The following ZIM2 variants were observed in gnomAD, a reference collection of about 807,000 sequenced individuals.
The protein encoded by ZIM2 is zinc finger imprinted 2.
A neutral mutation model predicts 38.6 loss-of-function variants in ZIM2; 14 were observed. That is an observed-to-expected ratio of 0.36 (90% CI 0.24 to 0.57). The LOEUF is 0.57. Among genes scored for constraint, ZIM2 ranks in the 20% least tolerant of loss-of-function variants. The probability of loss-of-function intolerance (pLI) is 0.81; values close to 1 mark genes in which losing one functional copy is unlikely to be tolerated. For synonymous variants in ZIM2, 247 were observed against 245.8 expected (o/e 1.00, Z -0.04); for missense variants, 680 against 695.1 (o/e 0.98, Z 0.24).
intron 9 of ZIM2, among the ~76,000 whole-genome samples, chr19:56,796,395 TTC>T (rs1024543697): frequency 1.3e-5 from 2 of 152,210 alleles, no homozygotes; most frequent in Admixed American, 6.5e-5. Context: ...TTCCAAATTT[TTC>T]TTTTTCTTTT....
intron 9 of ZIM2, among the ~76,000 whole-genome samples, chr19:56,797,241 G>T (rs549119714): frequency 6.6e-6 from 1 of 152,092 alleles, no homozygotes; most frequent in African/African-American, 2.4e-5. Context: ...GCTTGAACTC[G>T]TGAAGTGCAG....
intron 10 of ZIM2, 45 bp from the exon 11 acceptor site, chr19:56,782,166 C>T: frequency 6.3e-7 from 1 of 1,593,534 alleles, no homozygotes; most frequent in Non-Finnish European, 8.6e-7. Context: ...GAGGACTGAA[C>T]ATGATGCAGG....
At chr19:56,825,006 T>C (rs1432173689) in intron 3 of ZIM2, 1 of 218,392 alleles carries the variant, frequency 4.6e-6, no homozygotes, top group East Asian at 9.3e-5. Context: ...GCCCTAGAAG[T>C]CTCTCTGTAA....
At chr19:56,833,242 C>T (rs1477441952) in intron 2 of ZIM2, 4 of 489,702 alleles carry the variant, frequency 8.2e-6, no homozygotes, top group South Asian at 3.0e-5. Context: ...TACTTTGGTC[C>T]CTCACCATGG....
Position 56,818,789 on chromosome 19 carries a change from T to C in ZIM2, c.295-87A>G. Reference sequence around the variant, plus strand: ...TAATGTTGGCAACATGGGAGTTACATATATGAAGTTATATAGGAAGTGCTC... The same window carrying C: ...TAATGTTGGCAACATGGGAGTTACACATATGAAGTTATATAGGAAGTGCTC... On this transcript the variant is annotated intron_variant, in intron 7 of 12. Coordinates refer to ENST00000629319, the MANE Select transcript of ZIM2 (RefSeq NM_001387356.1). The C allele has an allele frequency of 2.1e-6, 3 of 1,417,774 alleles. No individual in the cohort carries two copies. The South Asian group carries it at 3.5e-5, about 17-fold the overall frequency. The allele number at this position is 1,417,774 out of a possible 1,614,324, so 87.8% of individuals were successfully genotyped here. A position where few individuals can be genotyped will look rare whatever the true frequency, so the allele number is the denominator to read the frequency against.
Position 56,824,353 on chromosome 19 carries a change from C to T in ZIM2, c.-76G>A. 1 of 1,614,118 alleles carries T rather than the reference C, an allele frequency of 6.2e-7. No individual in the cohort carries two copies. The highest frequency in any genetic ancestry group is 2.2e-5 in the East Asian group (1 of 44,862). On this transcript the variant is annotated 5_prime_UTR_variant, in exon 4 of 13. Transcript: ENST00000629319. ...TTTTTGCTCGCACCCAAGGCTTGAGCTTTTCAGGGATGATGGTCAGGTACT... is the reference window on the plus strand; with the variant it reads ...TTTTTGCTCGCACCCAAGGCTTGAGTTTTTCAGGGATGATGGTCAGGTACT...
intron 9 of ZIM2, chr19:56,815,332 C>T (rs770442233): frequency 1.9e-6 from 3 of 1,614,236 alleles, no homozygotes; most frequent in Non-Finnish European, 2.5e-6. Flanking sequence ...AAAAAATTGT[C>T]TGAAGTCCTT....
intron 3 of ZIM2, chr19:56,824,735 C>G: frequency 7.3e-7 from 1 of 1,362,294 alleles, no homozygotes; most frequent in Non-Finnish European, 1.0e-6. Flanking sequence ...CGTCAGTACT[C>G]AGGGACCTGT....
intron 7 of ZIM2, among the ~76,000 whole-genome samples, chr19:56,820,751 T>C (rs2060408791): frequency 1.3e-5 from 2 of 152,266 alleles, no homozygotes; most frequent in Non-Finnish European, 2.9e-5. Context: ...ATATACAACA[T>C]TTGTGTCAAT....
At chr19:56,838,954 C>A (rs185515477) in intron 1 of ZIM2, among the ~76,000 whole-genome samples, 2,706 of 152,278 alleles carry the variant, frequency 0.018, 26 homozygotes, top group Non-Finnish European at 0.03. Flanking sequence ...CCGCCCATGC[C>A]ACCTGCAGCC....
intron 2 of ZIM2, 64 bp downstream of exon 2, chr19:56,835,954 G>C: frequency 2.1e-6 from 1 of 479,842 alleles, no homozygotes; most frequent in South Asian, 1.5e-5. Context: ...AAGTGTCAGA[G>C]TAAGGAAGTG....
chr19:56,828,718 A>T (rs2061293247), intron 2 of ZIM2, among the ~76,000 whole-genome samples: 2 of 152,250 alleles, frequency 1.3e-5, no homozygotes, highest in African/African-American at 2.4e-5. Flanking sequence ...CATTAGGAAA[A>T]ATAGCCCAAT....
intron 1 of ZIM2, among the ~76,000 whole-genome samples, chr19:56,837,353 G>A (rs2146678090): frequency 6.6e-6 from 1 of 152,270 alleles, no homozygotes; most frequent in Middle Eastern, 3.4e-3. Context: ...CCAGCTGTAC[G>A]ATTTTGAGTG....
At chr19:56,836,438 G>C (rs2062109485) in intron 1 of ZIM2, among the ~76,000 whole-genome samples, 1 of 152,114 alleles carries the variant, frequency 6.6e-6, no homozygotes. Flanking sequence ...CCCCATGTTA[G>C]GACCGCTATC....
At chr19:56,821,847 G>A (rs2060521421) in intron 6 of ZIM2, 93 bp from the exon 7 acceptor site, 1 of 1,367,042 alleles carries the variant, frequency 7.3e-7, no homozygotes, top group East Asian at 2.3e-5. Context: ...CAGCTGGGGT[G>A]TGAGTGTATG....
intron 9 of ZIM2, among the ~76,000 whole-genome samples, chr19:56,803,574 C>G (rs550165574): frequency 6.6e-6 from 1 of 152,290 alleles, no homozygotes; most frequent in South Asian, 2.1e-4. Flanking sequence ...CATCTTACAC[C>G]CACATGGGGC....
chr19:56,822,962 A>C (rs1185453039), intron 5 of ZIM2, 126 bp from the exon 6 acceptor site: 3 of 1,264,548 alleles, frequency 2.4e-6, no homozygotes, highest in Non-Finnish European at 3.3e-6. Flanking sequence ...GATCCAAAAC[A>C]GAGAGCTCCA....
chr19:56,798,641 A>G lies in ZIM2; in HGVS notation c.491-8690T>C, dbSNP rs2047345460. 3 of 152,232 alleles carry G rather than the reference A, an allele frequency of 2.0e-5. No individual in the cohort carries two copies. The South Asian group carries it at 6.2e-4, about 32-fold the overall frequency. The allele number at this position is 152,232 out of a possible 1,614,324, so 9.4% of individuals were successfully genotyped here. ...TCTAATTAAACTAAAGAGCTTCTGT[A>G]CAGCAAAGAAATTATCATCAGAGTG... is the stretch of plus-strand genomic sequence containing the variant. On this transcript the variant is annotated intron_variant, in intron 9 of 12. Coordinates refer to ENST00000629319, the MANE Select transcript of ZIM2 (RefSeq NM_001387356.1).
rs147772587 is a variant in ZIM2, at chr19:56,813,936, T to A, written c.490+3810A>T. ...TGCATTCATGGCAGTCATAGTATGG[T>A]TCTTCTACCTGAATCTCTTGATCTT... On this transcript the variant is annotated intron_variant, in intron 9 of 12. Transcript: ENST00000629319. 731 of 1,614,150 alleles carry A rather than the reference T, an allele frequency of 4.5e-4. 3 individuals carry two copies. The African/African-American group carries it at 7.7e-3, about 17-fold the overall frequency.
Sources: allele counts gnomAD v4.1 joint callset (sites outside exome capture counted in the v4.1 genomes callset), GRCh38; gene constraint gnomAD v4.1.1; transcripts MANE v1.5; gene names NCBI Gene and HGNC (gene_info 2026-07-23, HGNC 2026-07-21).